Variants in ZKSCAN1 observed in about 807,000 individuals in gnomAD.
The protein encoded by ZKSCAN1 is zinc finger with KRAB and SCAN domains 1.
ZKSCAN1 carries 14 observed loss-of-function variants against 51.6 expected under a neutral mutation model. That is an observed-to-expected ratio of 0.27 (90% CI 0.18 to 0.42). The LOEUF (loss-of-function observed/expected upper bound fraction) is 0.42, where lower values mean the gene tolerates loss of function less well. Ranked by LOEUF, ZKSCAN1 falls within the 10% of genes least tolerant of loss-of-function variation. The probability of loss-of-function intolerance (pLI) is 1.00; values close to 1 mark genes in which losing one functional copy is unlikely to be tolerated. For missense variants in ZKSCAN1, 531 were observed against 710.0 expected (o/e 0.75, Z 2.86); for synonymous variants, 263 against 261.5 (o/e 1.01, Z -0.06).
In ZKSCAN1 at chr7:100,037,030, G is replaced by A; in HGVS notation, c.*2833G>A. 1 of 985,428 alleles carries A rather than the reference G, an allele frequency of 1.0e-6. No individual in the cohort carries two copies. Among genetic ancestry groups the A allele is most frequent in the Non-Finnish European group, 1.2e-6 (1 of 829,940 alleles). 61.0% of individuals were successfully genotyped at this position (985,428 alleles called of 1,614,324 possible). A position where few individuals can be genotyped will look rare whatever the true frequency, so the allele number is the denominator to read the frequency against. On this transcript the variant is annotated 3_prime_UTR_variant, in exon 6 of 6. Transcript: ENST00000324306. ...TCAGCCACATGCTGTCCTTGAAGCA[G>A]CTATTTGAAGATGTGTTTTCTGAGG...
At chr7:100,030,442 C>T (rs1791059869) in intron 5 of ZKSCAN1, 67 bp downstream of exon 5, 3 of 1,549,140 alleles carry the variant, frequency 1.9e-6, no homozygotes, top group Non-Finnish European at 2.6e-6. Context: ...GCTGTGGGAT[C>T]TCTGATGTGT....
Position 100,038,394 on chromosome 7 carries a change from G to C in ZKSCAN1, c.*4197G>C. The C allele has an allele frequency of 1.0e-6, 1 of 985,442 alleles. No individual in the cohort carries two copies. The highest frequency in any genetic ancestry group is 1.2e-6 in the Non-Finnish European group (1 of 829,932). 61.0% of individuals were successfully genotyped at this position (985,442 alleles called of 1,614,324 possible). A position where few individuals can be genotyped will look rare whatever the true frequency, so the allele number is the denominator to read the frequency against. ...GAGGAAGGGAAAAGCTTCATAGTTT[G>C]GTGCTTATCACATCAAGAGATTGGT... is the stretch of plus-strand genomic sequence containing the variant. On this transcript the variant is annotated 3_prime_UTR_variant, in exon 6 of 6. Transcript: ENST00000324306.
rs1790718929 is a variant in ZKSCAN1, at chr7:100,024,244, C to G, written c.517C>G (p.His173Asp). The change falls in exon 3 of 6, where the codon CAC becomes GAC. Residue 173 changes from histidine (H) to aspartate (D), a missense_variant. By Grantham distance (81) the His-to-Asp change is moderately conservative. Coordinates refer to ENST00000324306, the MANE Select transcript of ZKSCAN1 (RefSeq NM_003439.4). ...VQESSSFDLHHEATQSHFKHS... is the reference protein window; with the variant it reads ...VQESSSFDLHDEATQSHFKHS... ...GGAGTCCTCGAGCTTTGACCTTCAT[C>G]ACGAGGCCACCCAGTCCCACTTCAA... 1.2e-6 allele frequency: 2 copies of G among 1,613,962 alleles called. No individual in the cohort carries two copies. The highest frequency in any genetic ancestry group is 1.7e-6 in the Non-Finnish European group (2 of 1,180,032).
At chr7:100,016,660 C>T (rs1790378915) in intron 1 of ZKSCAN1, among the ~76,000 whole-genome samples, 1 of 152,180 alleles carries the variant, frequency 6.6e-6, no homozygotes, top group African/African-American at 2.4e-5. Flanking sequence ...CATCCCTCCC[C>T]TCCCTTTCCT....
At position 100,033,104 on chromosome 7, in the gene ZKSCAN1, G is replaced by A. The variant is rs558172972; in HGVS notation, c.800-201G>A. On this transcript the variant is annotated intron_variant, in intron 5 of 5. Coordinates refer to ENST00000324306, the MANE Select transcript of ZKSCAN1 (RefSeq NM_003439.4). This position sits in a 1 kb window ranked among gnomAD's most constrained non-coding sequence, Gnocchi z 4.1. Reference sequence around the variant, plus strand: ...GGAGAATCACTTGAACCTGGGAGGCGGAGGTTGCAGTGAACTGAGATCACG... The same window carrying A: ...GGAGAATCACTTGAACCTGGGAGGCAGAGGTTGCAGTGAACTGAGATCACG... Among the ~76,000 whole-genome samples, 2 of 152,096 alleles carry A rather than the reference G, an allele frequency of 1.3e-5. No individual in the cohort carries two copies. The highest frequency in any genetic ancestry group is 4.2e-4 in the South Asian group (2 of 4,816).
rs76775847 is a variant in ZKSCAN1, at chr7:100,035,959, G to A, written c.*1762G>A. 24,276 of 985,422 alleles carry A rather than the reference G, an allele frequency of 0.025. 322 individuals are homozygous for A. The highest frequency in any genetic ancestry group is 0.027 in the Non-Finnish European group (22,672 of 829,934). 61.0% of individuals were successfully genotyped at this position (985,422 alleles called of 1,614,324 possible). On this transcript the variant is annotated 3_prime_UTR_variant, in exon 6 of 6. Transcript: ENST00000324306. ...AACATAGACTGAGAACAAACCTCAA[G>A]ACTATCAGTGTGACCTCCCCATAAC...
In ZKSCAN1 at chr7:100,040,413, G is replaced by A. The variant is rs1432744174; in HGVS notation, c.*6216G>A. 6 of 985,274 alleles carry A rather than the reference G, an allele frequency of 6.1e-6. No homozygotes were observed. Among genetic ancestry groups the A allele is most frequent in the Admixed American group, 6.2e-5 (1 of 16,254 alleles). The allele number at this position is 985,274 out of a possible 1,614,324, so 61.0% of individuals were successfully genotyped here. A position where few individuals can be genotyped will look rare whatever the true frequency, so the allele number is the denominator to read the frequency against. ...GCACAGTAATCAGTAAAGTGAATAC[G>A]TTTTTAAAATGGAATTTTCTCCCTT... On this transcript the variant is annotated 3_prime_UTR_variant, in exon 6 of 6. Transcript: ENST00000324306.
Position 100,033,453 on chromosome 7 carries a change from G to T in ZKSCAN1, c.948G>T (p.Gln316His), listed in dbSNP as rs1339408372. The change falls in exon 6 of 6, where the codon CAG becomes CAT. Residue 316 changes from glutamine (Q) to histidine (H), a missense_variant. Coordinates refer to ENST00000324306, the MANE Select transcript of ZKSCAN1 (RefSeq NM_003439.4). This position sits in a 1 kb window ranked among gnomAD's most constrained non-coding sequence, Gnocchi z 4.1. ...AGGGCAAAACAGGAGAAAGACAGCA[G>T]AAAAACCCTGAGGAGAAAACCAGGA... ...DQEGKTGERQ[Q>H]KNPEEKTRKE... is the part of the protein sequence containing the mutation. 6.2e-7 allele frequency: 1 copy of T among 1,613,960 alleles called. No individual in the cohort carries two copies. The highest frequency in any genetic ancestry group is 1.1e-5 in the South Asian group (1 of 91,070).
In ZKSCAN1 at chr7:100,037,099, C is replaced by A. The variant is rs755978053; in HGVS notation, c.*2902C>A. On this transcript the variant is annotated 3_prime_UTR_variant, in exon 6 of 6. Transcript: ENST00000324306. ...TTATTAAAACCACTTGCAGTGCATT[C>A]GTTTATCAGATGCTCAGTGCAAAGT... The A allele has an allele frequency of 5.1e-6, 5 of 985,268 alleles. No individual in the cohort carries two copies. The highest frequency in any genetic ancestry group is 4.8e-6 in the Non-Finnish European group (4 of 829,936). The allele number at this position is 985,268 out of a possible 1,614,324, so 61.0% of individuals were successfully genotyped here.
intron 3 of ZKSCAN1, among the ~76,000 whole-genome samples, chr7:100,027,019 A>G (rs1790866891): frequency 6.6e-6 from 1 of 152,142 alleles, no homozygotes; most frequent in Admixed American, 6.5e-5. Context: ...AAAAAAGGCC[A>G]GGCGCAGTGG....
chr7:100,038,657 C>A lies in ZKSCAN1; in HGVS notation c.*4460C>A. On this transcript the variant is annotated 3_prime_UTR_variant, in exon 6 of 6. Transcript: ENST00000324306. Reference sequence around the variant, plus strand: ...TTCAGCTGACCAGGTTCTTTTAAACCGTAGTCATGCTTTCCCACTAACTCT... The same window carrying A: ...TTCAGCTGACCAGGTTCTTTTAAACAGTAGTCATGCTTTCCCACTAACTCT... 1.0e-6 allele frequency: 1 copy of A among 985,354 alleles called. No individual in the cohort carries two copies. Among genetic ancestry groups the A allele is most frequent in the Non-Finnish European group, 1.2e-6 (1 of 829,932 alleles). The allele number at this position is 985,354 out of a possible 1,614,324, so 61.0% of individuals were successfully genotyped here. A position where few individuals can be genotyped will look rare whatever the true frequency, so the allele number is the denominator to read the frequency against.
chr7:100,037,847 C>G lies in ZKSCAN1; in HGVS notation c.*3650C>G, dbSNP rs1023423077. ...CCTGGCCAACATGGTGAAACCTTGT[C>G]TCTACTAAAAATACAAAAAAAAATT... On this transcript the variant is annotated 3_prime_UTR_variant, in exon 6 of 6. Coordinates refer to ENST00000324306, the MANE Select transcript of ZKSCAN1 (RefSeq NM_003439.4). The G allele has an allele frequency of 2.8e-5, 19 of 685,464 alleles. No individual in the cohort carries two copies. Among genetic ancestry groups the G allele is most frequent in the Non-Finnish European group, 3.1e-5 (17 of 556,836 alleles). The allele number at this position is 685,464 out of a possible 1,614,324, so 42.5% of individuals were successfully genotyped here. A position where few individuals can be genotyped will look rare whatever the true frequency, so the allele number is the denominator to read the frequency against.
Position 100,034,099 on chromosome 7 carries a change from C to G in ZKSCAN1, c.1594C>G (p.Leu532Val), listed in dbSNP as rs1441676325. The change falls in exon 6 of 6, where the codon CTC (leucine) becomes GTC (valine). Residue 532 changes from leucine to valine, a missense_variant. This residue lies in a region of ZKSCAN1 where 128 missense variants were observed against 219.5 expected (regional missense o/e 0.58). Coordinates refer to ENST00000324306, the MANE Select transcript of ZKSCAN1 (RefSeq NM_003439.4). ...CGKAFTRSST[L>V]TLHHRIHARE... Reference sequence around the variant, plus strand: ...CAAGGCCTTCACCCGCAGCTCCACCCTCACTCTGCATCACAGAATCCATGC... The same window carrying G: ...CAAGGCCTTCACCCGCAGCTCCACCGTCACTCTGCATCACAGAATCCATGC... 1.9e-6 allele frequency: 3 copies of G among 1,609,440 alleles called. No individual in the cohort carries two copies. Among genetic ancestry groups the G allele is most frequent in the Non-Finnish European group, 2.5e-6 (3 of 1,178,458 alleles).
chr7:100,028,304 A>G (rs999155089), intron 3 of ZKSCAN1, among the ~76,000 whole-genome samples: 1 of 152,024 alleles, frequency 6.6e-6, no homozygotes, highest in African/African-American at 2.4e-5. Flanking sequence ...GTGAGCCGAG[A>G]TCGCGCCATG....
Position 100,041,289 on chromosome 7 carries a change from G to A in ZKSCAN1, c.*7092G>A. On this transcript the variant is annotated 3_prime_UTR_variant, in exon 6 of 6. Transcript: ENST00000324306. ...TTTTTTCATTTTACTAGGTTCCGAA[G>A]AGTCCAGATGCTTGGTAGATGTTCA... 1 of 983,840 alleles carries A rather than the reference G, an allele frequency of 1.0e-6. No individual in the cohort carries two copies. The highest frequency in any genetic ancestry group is 1.2e-6 in the Non-Finnish European group (1 of 828,552). The allele number at this position is 983,840 out of a possible 1,614,324, so 60.9% of individuals were successfully genotyped here.
In ZKSCAN1 at chr7:100,033,577, T is replaced by G; in HGVS notation, c.1072T>G (p.Phe358Val). The G allele has an allele frequency of 6.2e-7, 1 of 1,614,064 alleles. No individual in the cohort carries two copies. Reference protein sequence around the residue: ...REKGKGLGRSFSLSSNFTTPE... With the variant: ...REKGKGLGRSVSLSSNFTTPE... ...GAAGGGGAAAGGATTGGGAAGAAGC[T>G]TCAGTCTGAGCTCCAACTTCACCAC... The change falls in exon 6 of 6, where the codon TTC becomes GTC. Residue 358 changes from phenylalanine to valine, a missense_variant. By Grantham distance (50) the Phe-to-Val change is conservative. Transcript: ENST00000324306. The surrounding 1 kb of genome is among the most constrained non-coding windows in gnomAD (Gnocchi z 4.1).
chr7:100,029,225 G>C (rs1331890097), intron 3 of ZKSCAN1, among the ~76,000 whole-genome samples: 1 of 150,744 alleles, frequency 6.6e-6, no homozygotes, highest in African/African-American at 2.4e-5. Flanking sequence ...TTACTTCCCT[G>C]CCTTTCTGGA....
Position 100,034,487 on chromosome 7 carries a change from G to T in ZKSCAN1, c.*290G>T. ...GTGAAATGTCAGTCTTTTCAGTAAT[G>T]AGGATACCTTTAAGGCACTCTTGGA... On this transcript the variant is annotated 3_prime_UTR_variant, in exon 6 of 6. Coordinates refer to ENST00000324306, the MANE Select transcript of ZKSCAN1 (RefSeq NM_003439.4). 1 of 1,129,038 alleles carries T rather than the reference G, an allele frequency of 8.9e-7. No homozygotes were observed. Among genetic ancestry groups the T allele is most frequent in the Non-Finnish European group, 1.1e-6 (1 of 921,026 alleles). The allele number at this position is 1,129,038 out of a possible 1,614,324, so 69.9% of individuals were successfully genotyped here.
At chr7:100,024,059 C>T in intron 2 of ZKSCAN1, 95 bp from the exon 3 acceptor site, 1 of 1,526,972 alleles carries the variant, frequency 6.5e-7, no homozygotes, top group Non-Finnish European at 8.8e-7. Context: ...TGGCTTTCTT[C>T]CTGCATCCAC....
Sources: allele counts gnomAD v4.1 joint callset (sites outside exome capture counted in the v4.1 genomes callset), GRCh38; gene constraint gnomAD v4.1.1; regional missense constraint gnomAD v4.1.1; non-coding constraint Gnocchi (gnomAD v3.1); transcripts MANE v1.5; gene names NCBI Gene and HGNC (gene_info 2026-07-23, HGNC 2026-07-21).